Variants in EBAG9 observed in about 807,000 individuals in gnomAD.
EBAG9 encodes estrogen receptor binding site associated antigen 9.
A neutral mutation model predicts 30.9 loss-of-function variants in EBAG9; 16 were observed. The observed-to-expected ratio is 0.52, with a 90% confidence interval of 0.35 to 0.79. The LOEUF (loss-of-function observed/expected upper bound fraction) is 0.79, where lower values mean the gene tolerates loss of function less well. EBAG9 is among the 30% of genes least tolerant of loss of function. The pLI is 0.01. For synonymous variants in EBAG9, 93 were observed against 82.8 expected, an observed-to-expected ratio of 1.12 and a Z score of -0.67; for missense variants, 197 against 242.1, an observed-to-expected ratio of 0.81 and a Z score of 1.24.
chr8:109,545,360 C>A lies in EBAG9; in HGVS notation c.-16+4899C>A, dbSNP rs544783630. On this transcript the variant is annotated intron_variant, in intron 1 of 6. Coordinates refer to ENST00000337573, the MANE Select transcript of EBAG9 (RefSeq NM_004215.5). ...AAAAAAAAGGCTACCAAAATAATGC[C>A]AGTTTTACCTTTTTTTTTTTTGAAA... Among the ~76,000 whole-genome samples, 803 of 148,024 alleles carry A rather than the reference C, an allele frequency of 5.4e-3. 7 individuals carry two copies. Among genetic ancestry groups the A allele is most frequent in the African/African-American group, 0.019 (743 of 40,018 alleles).
intron 1 of EBAG9, 85 bp from the exon 2 acceptor site, chr8:109,550,725 T>C: frequency 1.4e-6 from 1 of 707,426 alleles, no homozygotes; most frequent in South Asian, 1.7e-5. Context: ...TAGATTTTTC[T>C]TAGTGCATAA....
intron 1 of EBAG9, among the ~76,000 whole-genome samples, chr8:109,546,311 A>G (rs1821382619): frequency 6.6e-6 from 1 of 152,214 alleles, no homozygotes; most frequent in Non-Finnish European, 1.5e-5. Flanking sequence ...AATGCAATAA[A>G]CTGTATATAA....
intron 5 of EBAG9, among the ~76,000 whole-genome samples, 154 bp from the exon 6 acceptor site, chr8:109,560,684 T>C (rs1249769005): frequency 1.3e-5 from 2 of 152,052 alleles, no homozygotes; most frequent in African/African-American, 4.8e-5. Flanking sequence ...AAAAGCAAAA[T>C]CATCTGTGCC....
intron 2 of EBAG9, among the ~76,000 whole-genome samples, chr8:109,552,489 A>G (rs747848470): frequency 1.3e-5 from 2 of 152,246 alleles, no homozygotes; most frequent in South Asian, 2.1e-4. Context: ...GTAAAGCAAC[A>G]TTAAAAATGG....
chr8:109,564,370 C>CT (rs1821773465), intron 6 of EBAG9, 69 bp from the exon 7 acceptor site: 1 of 1,569,566 alleles, frequency 6.4e-7, no homozygotes, highest in South Asian at 1.2e-5. Flanking sequence ...ACTGCTATTT[C>CT]TTTCTAGAAT....
intron 3 of EBAG9, 45 bp from the exon 4 acceptor site, chr8:109,554,684 T>TG (rs1287834231): frequency 6.3e-7 from 1 of 1,579,248 alleles, no homozygotes; most frequent in South Asian, 1.2e-5. Flanking sequence ...ATGTGTTCAT[T>TG]AAGTTGCCCC....
At chr8:109,553,372 A>G in intron 2 of EBAG9, among the ~76,000 whole-genome samples, 1 of 152,206 alleles carries the variant, frequency 6.6e-6, no homozygotes, top group Admixed American at 6.5e-5. Context: ...GTCCTGTTGA[A>G]TGTGGTACTT....
chr8:109,560,786 T>C, intron 5 of EBAG9, 52 bp from the exon 6 acceptor site: 1 of 1,291,622 alleles, frequency 7.7e-7, no homozygotes, highest in Non-Finnish European at 1.1e-6. Context: ...AACGGCTATG[T>C]GGAGAAAGGA....
At chr8:109,550,741 C>G in intron 1 of EBAG9, 69 bp from the exon 2 acceptor site, 2 of 893,822 alleles carry the variant, frequency 2.2e-6, no homozygotes, top group Non-Finnish European at 3.6e-6. Flanking sequence ...CATAATAGGT[C>G]TTTTCAGGAC....
At chr8:109,555,429 G>T (rs1370480628) in intron 4 of EBAG9, among the ~76,000 whole-genome samples, 1 of 152,082 alleles carries the variant, frequency 6.6e-6, no homozygotes, top group Non-Finnish European at 1.5e-5. Context: ...TGTTAAGTAA[G>T]AATTTTATAT....
intron 6 of EBAG9, among the ~76,000 whole-genome samples, chr8:109,562,487 G>C (rs1821730826): frequency 6.6e-6 from 1 of 151,940 alleles, no homozygotes; most frequent in Non-Finnish European, 1.5e-5. Context: ...AATAGACATT[G>C]AGCATTTTAA....
chr8:109,548,839 C>T (rs915240012), intron 1 of EBAG9, among the ~76,000 whole-genome samples: 29 of 149,110 alleles, frequency 1.9e-4, no homozygotes, highest in Admixed American at 6.6e-4. Flanking sequence ...TTATTTCTGC[C>T]TTTCCATTCT....
At chr8:109,549,570 T>C (rs1821452918) in intron 1 of EBAG9, among the ~76,000 whole-genome samples, 2 of 152,168 alleles carry the variant, frequency 1.3e-5, no homozygotes, top group East Asian at 1.9e-4. Context: ...ATTTTCAGGT[T>C]GTTCTTCTTA....
intron 1 of EBAG9, among the ~76,000 whole-genome samples, chr8:109,547,260 C>T (rs1213103383): frequency 6.6e-6 from 1 of 152,076 alleles, no homozygotes; most frequent in East Asian, 1.9e-4. Flanking sequence ...AAGAAACTAC[C>T]AAATTGTTTT....
chr8:109,545,753 C>T (rs1821372201), intron 1 of EBAG9, among the ~76,000 whole-genome samples: 2 of 152,094 alleles, frequency 1.3e-5, no homozygotes, highest in African/African-American at 4.8e-5. Context: ...AGACATATAT[C>T]TTGTTATTTA....
At chr8:109,547,207 G>A (rs1485256515) in intron 1 of EBAG9, among the ~76,000 whole-genome samples, 1 of 152,016 alleles carries the variant, frequency 6.6e-6, no homozygotes, top group African/African-American at 2.4e-5. Context: ...ATTACTAGGA[G>A]TAGAATGGCT....
At chr8:109,560,963 A>G (rs1821699376) in intron 6 of EBAG9, 34 bp downstream of exon 6, 1 of 1,559,996 alleles carries the variant, frequency 6.4e-7, no homozygotes, top group African/African-American at 1.4e-5. Flanking sequence ...CAACCTGAGT[A>G]GAAGAACTAG....
upstream of EBAG9, chr8:109,540,109 T>C (rs1179892860): frequency 6.6e-6 from 1 of 152,454 alleles, no homozygotes; most frequent in Non-Finnish European, 1.5e-5. Flanking sequence ...ACAGCTGCTC[T>C]GGGTACTGTT....
chr8:109,546,780 CAGTGTAT>C (rs2131103478), intron 1 of EBAG9, among the ~76,000 whole-genome samples: 1 of 152,242 alleles, frequency 6.6e-6, no homozygotes, highest in Admixed American at 6.5e-5. Flanking sequence ...TGGAATCATA[CAGTGTAT>C]ATTTTTTTGG....
Sources: allele counts gnomAD v4.1 joint callset (sites outside exome capture counted in the v4.1 genomes callset), GRCh38; gene constraint gnomAD v4.1.1; transcripts MANE v1.5; gene names NCBI Gene and HGNC (gene_info 2026-07-23, HGNC 2026-07-21).